TRPS1: variants seen among roughly 807,000 people sequenced by gnomAD.
The protein encoded by TRPS1 is transcriptional repressor GATA binding 1.
A neutral mutation model predicts 101.2 loss-of-function variants in TRPS1; 6 were observed. The observed-to-expected ratio is 0.06, with a 90% CI of 0.03 to 0.12. The LOEUF is 0.12. Among genes scored for constraint, TRPS1 ranks in the 10% least tolerant of loss-of-function variants. The pLI, the probability that TRPS1 is intolerant of heterozygous loss-of-function variation, is 1.00. For synonymous variants in TRPS1, 578 were observed against 589.8 expected (o/e 0.98, Z 0.29); for missense variants, 1,363 against 1,567.0 (o/e 0.87, Z 2.20).
intron 5 of TRPS1, among the ~76,000 whole-genome samples, chr8:115,568,767 T>C (rs927057859): frequency 2.6e-5 from 4 of 152,150 alleles, no homozygotes; most frequent in Admixed American, 2.0e-4. Context: ...TACACTTCTT[T>C]TACTAGCATG....
At chr8:115,576,885 A>T (rs1817331324) in intron 5 of TRPS1, among the ~76,000 whole-genome samples, 1 of 152,202 alleles carries the variant, frequency 6.6e-6, no homozygotes. Context: ...TAGCTGGATA[A>T]TAAATTTGTA....
intron 4 of TRPS1, among the ~76,000 whole-genome samples, chr8:115,589,283 T>C: frequency 6.6e-6 from 1 of 151,836 alleles, no homozygotes; most frequent in East Asian, 1.9e-4. Context: ...AGCTGGGGAG[T>C]AGGTGCTCAA....
At chr8:115,456,297 T>C (rs1814024363) in intron 5 of TRPS1, among the ~76,000 whole-genome samples, 1 of 152,184 alleles carries the variant, frequency 6.6e-6, no homozygotes, top group Admixed American at 6.5e-5. Context: ...TACGTGACCC[T>C]GAATTATTTG....
At chr8:115,453,852 G>T (rs187358299) in intron 5 of TRPS1, among the ~76,000 whole-genome samples, 1 of 152,268 alleles carries the variant, frequency 6.6e-6, no homozygotes, top group Admixed American at 6.5e-5. Flanking sequence ...GTATACATTT[G>T]GTCTTGCCCA....
At chr8:115,628,025 G>A (rs1221772496) in intron 1 of TRPS1, among the ~76,000 whole-genome samples, 4 of 151,792 alleles carry the variant, frequency 2.6e-5, no homozygotes, top group Non-Finnish European at 4.4e-5. Flanking sequence ...AAAACCAGAT[G>A]TTATGAAGAC....
chr8:115,443,289 T>G (rs1813654023), intron 5 of TRPS1, among the ~76,000 whole-genome samples: 1 of 151,978 alleles, frequency 6.6e-6, no homozygotes, highest in African/African-American at 2.4e-5. Context: ...AAGAAGTGGG[T>G]GATTTGACAT....
intron 5 of TRPS1, among the ~76,000 whole-genome samples, chr8:115,456,252 G>T (rs764364806): frequency 6.6e-6 from 1 of 152,096 alleles, no homozygotes; most frequent in Non-Finnish European, 1.5e-5. Flanking sequence ...ATTACGCAAC[G>T]TGTCAAGAAC....
chr8:115,635,435 A>G (rs903289752), intron 1 of TRPS1, among the ~76,000 whole-genome samples: 1 of 152,208 alleles, frequency 6.6e-6, no homozygotes, highest in Non-Finnish European at 1.5e-5. Context: ...CGTAACATTT[A>G]TTCATTCAAC....
intron 5 of TRPS1, among the ~76,000 whole-genome samples, chr8:115,542,730 C>T (rs1816483442): frequency 6.6e-6 from 1 of 152,146 alleles, no homozygotes; most frequent in Admixed American, 6.6e-5. Flanking sequence ...GATGATGATA[C>T]TCACCTCACA....
At chr8:115,609,200 A>C (rs1176890982) in intron 3 of TRPS1, among the ~76,000 whole-genome samples, 3 of 152,164 alleles carry the variant, frequency 2.0e-5, no homozygotes, top group Non-Finnish European at 2.9e-5. Context: ...TAGCACACTC[A>C]ACAGTAACAT....
At position 115,642,199 on chromosome 8, in the gene TRPS1, G is replaced by A. The variant is rs200980144; in HGVS notation, c.-121-18441C>T. 1.4e-4 allele frequency among the ~76,000 whole-genome samples: 20 copies of A among 144,388 alleles called. No individual in the cohort carries two copies. The East Asian group carries it at 2.3e-3, about 16-fold the overall frequency. 94.7% of individuals were successfully genotyped at this position (144,388 alleles called of 152,430 possible). On this transcript the variant is annotated intron_variant, in intron 1 of 6. Transcript: ENST00000395715. ...ACAGGACACCAGCCTGGGCAACACA[G>A]CAAGACCCTATCTCAAAAAAAGAAA...
Position 115,577,416 on chromosome 8 carries a change from T to C in TRPS1, c.2700+9585A>G, listed in dbSNP as rs1163246579. Among the ~76,000 whole-genome samples the C allele has an allele frequency of 2.6e-5, 4 of 152,234 alleles. No individual in the cohort carries two copies. In the East Asian group the frequency reaches 7.7e-4, roughly 29 times the overall value. On this transcript the variant is annotated intron_variant, in intron 5 of 6. Transcript: ENST00000395715. Reference sequence around the variant, plus strand: ...ATAGGTAGCACAAATGCAATGTTAATTCAGAAAGTATTCTTGCCCCTGCTT... The same window carrying C: ...ATAGGTAGCACAAATGCAATGTTAACTCAGAAAGTATTCTTGCCCCTGCTT...
intron 3 of TRPS1, among the ~76,000 whole-genome samples, chr8:115,609,028 G>T (rs990717586): frequency 6.6e-6 from 1 of 151,910 alleles, no homozygotes; most frequent in African/African-American, 2.4e-5. Flanking sequence ...TGTATTTTTT[G>T]TGGAAACAGG....
rs559378699 is a variant in TRPS1 at position 115,596,582 on chromosome 8, A to G, written c.2096+7291T>C. Among the ~76,000 whole-genome samples, 6 of 151,934 alleles carry G rather than the reference A, an allele frequency of 3.9e-5. 1 individual carries two copies. The East Asian group carries it at 5.8e-4, about 15-fold the overall frequency. On this transcript the variant is annotated intron_variant, in intron 4 of 6. Transcript: ENST00000395715. ...AGAGATTCTATATGGATAGATATAG[A>G]TATGATTACATATGATAAAGAAAGT... is the stretch of plus-strand genomic sequence containing the variant.
At chr8:115,498,920 C>T (rs547225384) in intron 5 of TRPS1, among the ~76,000 whole-genome samples, 1 of 152,198 alleles carries the variant, frequency 6.6e-6, no homozygotes, top group South Asian at 2.1e-4. Context: ...TGGTAGACTT[C>T]AGAATAGACT....
chr8:115,489,979 T>A (rs1563768044), intron 5 of TRPS1, among the ~76,000 whole-genome samples: 1 of 152,098 alleles, frequency 6.6e-6, no homozygotes, highest in Admixed American at 6.5e-5. Flanking sequence ...ATCCTCAATG[T>A]CTCTTTTTTA....
intron 5 of TRPS1, among the ~76,000 whole-genome samples, chr8:115,585,906 C>T (rs1817551573): frequency 6.6e-6 from 1 of 152,158 alleles, no homozygotes; most frequent in Admixed American, 6.5e-5. Flanking sequence ...CGTTTTTCAA[C>T]TCCGCTAGAG....
rs1818354926 is a variant in TRPS1 at position 115,619,915 on chromosome 8, C to T, written c.183G>A (p.Gln61=). The change falls in exon 3 of 7, where the codon CAG becomes CAA. Residue 61 remains glutamine, a synonymous_variant. Coordinates refer to ENST00000395715, the MANE Select transcript of TRPS1 (RefSeq NM_014112.5). ...TATGATTTAGTTCTGCAGCATCACT[C>T]TGATCCGTATTTTCTGACATCTGAT... The part of the protein sequence containing the change: ...SADQMSENTD[Q]SDAAELNHKE... 4 of 1,614,100 alleles carry T rather than the reference C, an allele frequency of 2.5e-6. No homozygotes were observed. Among genetic ancestry groups the T allele is most frequent in the Non-Finnish European group, 3.4e-6 (4 of 1,180,042 alleles).
intron 5 of TRPS1, among the ~76,000 whole-genome samples, chr8:115,540,802 T>A (rs1335772714): frequency 6.6e-6 from 1 of 151,908 alleles, no homozygotes; most frequent in Admixed American, 6.6e-5. Context: ...CATGCCTGTA[T>A]CAAAACAACT....
Sources: allele counts gnomAD v4.1 joint callset (sites outside exome capture counted in the v4.1 genomes callset), GRCh38; gene constraint gnomAD v4.1.1; transcripts MANE v1.5; gene names NCBI Gene and HGNC (gene_info 2026-07-23, HGNC 2026-07-21).